CDT1: variants seen among roughly 807,000 people sequenced by gnomAD.
The protein encoded by CDT1 is chromatin licensing and DNA replication factor 1, also known as DNA replication factor Cdt1.
Under a neutral mutation model 49.3 loss-of-function variants are expected in CDT1, and 66 were observed. The ratio of observed to expected loss-of-function variants is 1.34; its 90% confidence interval spans 1.10 to 1.64. The LOEUF (loss-of-function observed/expected upper bound fraction) is 1.64. CDT1 is among the 40% of genes most tolerant of loss of function. The pLI is 0.00. For missense variants in CDT1, 958 were observed against 807.7 expected (o/e 1.19, Z -2.26); for synonymous variants, 424 against 347.4 (o/e 1.22, Z -2.45).
intron 9 of CDT1, 85 bp from the exon 10 acceptor site, chr16:88,808,030 G>T (rs1006150014): frequency 1.4e-5 from 21 of 1,471,430 alleles, no homozygotes; most frequent in Middle Eastern, 1.9e-4. Context: ...AGGCACAGAG[G>T]TTGGGTGGTC....
chr16:88,804,735 G>A lies in CDT1; in HGVS notation c.352-27G>A, dbSNP rs746348584. The A allele has an allele frequency of 2.5e-6, 4 of 1,612,656 alleles. No homozygotes were observed. In the African/African-American group the frequency reaches 5.3e-5, roughly 22 times the overall value. On this transcript the variant is annotated intron_variant, in intron 2 of 9. Transcript: ENST00000301019. ...TGCCGGCCTGCCTGCCTGCCTGACGGCACCGTGTCCCCTGATCCCCCTGAA... is the reference window on the plus strand; with the variant it reads ...TGCCGGCCTGCCTGCCTGCCTGACGACACCGTGTCCCCTGATCCCCCTGAA...
chr16:88,806,590 C>T lies in CDT1; in HGVS notation c.1038C>T (p.Ala346=), dbSNP rs756950773. ...ATGAAGTACCCGACATCGAGCCGGC[C>T]GCGCTGCCCCAGCCACCCGCCACGG... is the stretch of plus-strand genomic sequence containing the variant. ...NVDEVPDIEP[A]ALPQPPATEK... Residue 346 remains alanine, a synonymous_variant, in exon 7 of 10, where the codon GCC becomes GCT. Coordinates refer to ENST00000301019, the MANE Select transcript of CDT1 (RefSeq NM_030928.4). 54 of 1,608,150 alleles carry T rather than the reference C, an allele frequency of 3.4e-5. No individual in the cohort carries two copies. Among genetic ancestry groups the T allele is most frequent in the South Asian group, 2.2e-4 (20 of 90,434 alleles).
In CDT1 at chr16:88,804,078, CTG is replaced by C. The variant is rs1187196540; in HGVS notation, c.228+20_228+21del. 1 of 1,382,256 alleles carries C rather than the reference CTG, an allele frequency of 7.2e-7. No homozygotes were observed. Among genetic ancestry groups the C allele is most frequent in the Non-Finnish European group, 9.4e-7 (1 of 1,068,448 alleles). The allele number at this position is 1,382,256 out of a possible 1,614,324, so 85.6% of individuals were successfully genotyped here. Reference sequence around the variant, plus strand: ...GGACGAGGTGAGGGGCGTGGGGAGACTGAGGCCGGGGAGTTGGGGGCGGGGAG... The same window carrying C: ...GGACGAGGTGAGGGGCGTGGGGAGACAGGCCGGGGAGTTGGGGGCGGGGAG... On this transcript the variant is annotated intron_variant, in intron 1 of 9. Coordinates refer to ENST00000301019, the MANE Select transcript of CDT1 (RefSeq NM_030928.4).
chr16:88,805,171 T>C (rs1356281974), intron 3 of CDT1, among the ~76,000 whole-genome samples: 2 of 152,204 alleles, frequency 1.3e-5, no homozygotes, highest in African/African-American at 4.8e-5. Flanking sequence ...CCTCTGCCCC[T>C]GAGAGCTGAC....
At chr16:88,806,414 A>C in intron 6 of CDT1, 72 bp from the exon 7 acceptor site, 3 of 1,537,564 alleles carry the variant, frequency 2.0e-6, no homozygotes, top group Non-Finnish European at 2.7e-6. Context: ...ACGTAAGCAC[A>C]GGCCTACCTC....
rs779105998 is a variant in CDT1, at chr16:88,807,053, G to A, written c.1125G>A (p.Met375Ile). The change falls in exon 8 of 10, where the codon ATG becomes ATA. Residue 375 changes from methionine (M) to isoleucine (I), a missense_variant and splice_region_variant. Coordinates refer to ENST00000301019, the MANE Select transcript of CDT1 (RefSeq NM_030928.4). ...ARARNLISPR[M>I]EKALSQLALR... is the part of the protein sequence containing the mutation. ...AGTCCAACCTGTCCCTCCCGCAGAT[G>A]GAGAAGGCCTTGAGTCAATTGGCCC... is the stretch of plus-strand genomic sequence containing the variant. 5.0e-6 allele frequency: 8 copies of A among 1,612,762 alleles called. No homozygotes were observed. The East Asian group carries it at 1.8e-4, about 36-fold the overall frequency.
chr16:88,808,251 C>G lies in CDT1; in HGVS notation c.1614C>G (p.His538Gln), dbSNP rs991922059. Residue 538 changes from histidine to glutamine, a missense_variant, in exon 10 of 10, where the codon CAC becomes CAG. Physicochemically the swap from His to Gln is conservative, Grantham distance 24. Coordinates refer to ENST00000301019, the MANE Select transcript of CDT1 (RefSeq NM_030928.4). ...CCCACATCACTGCACGCCTGGCCCA[C>G]CAGACACGTGCTGAGGAGGGGCTGT... ...DLAHITARLA[H>Q]QTRAEEGL is the part of the protein sequence containing the mutation. 1.9e-6 allele frequency: 3 copies of G among 1,600,156 alleles called. No homozygotes were observed. The highest frequency in any genetic ancestry group is 2.6e-6 in the Non-Finnish European group (3 of 1,174,070).
At chr16:88,805,992 G>A (rs1453905841) in intron 5 of CDT1, 29 bp from the exon 6 acceptor site, 4 of 1,577,580 alleles carry the variant, frequency 2.5e-6, no homozygotes, top group Non-Finnish European at 2.6e-6. Flanking sequence ...GTGGCCTGGT[G>A]GGGACTTAGG....
chr16:88,806,056 C>G lies in CDT1; in HGVS notation c.868C>G (p.Arg290Gly). 1 of 1,598,940 alleles carries G rather than the reference C, an allele frequency of 6.3e-7. No individual in the cohort carries two copies. The highest frequency in any genetic ancestry group is 1.7e-5 in the Admixed American group (1 of 58,818). Residue 290 changes from arginine (R) to glycine (G), a missense_variant, in exon 6 of 10, where the codon CGC becomes GGC. Coordinates refer to ENST00000301019, the MANE Select transcript of CDT1 (RefSeq NM_030928.4). ...AGCAGCCCCCCAGCTCACGGCCTCGCGCCTCCTGCAGCGACGGCAGATCTT... is the reference window on the plus strand; with the variant it reads ...AGCAGCCCCCCAGCTCACGGCCTCGGGCCTCCTGCAGCGACGGCAGATCTT... ...DGAAPQLTAS[R>G]LLQRRQIFSQ... is the part of the protein sequence containing the mutation.
rs1908750257 is a variant in CDT1, at chr16:88,804,006, C to A, written c.175C>A (p.Arg59Ser). 1 of 1,457,724 alleles carries A rather than the reference C, an allele frequency of 6.9e-7. No individual in the cohort carries two copies. The allele number at this position is 1,457,724 out of a possible 1,614,324, so 90.3% of individuals were successfully genotyped here. Reference sequence around the variant, plus strand: ...CGCCCGCCCGCCCGCCGCCCCCGGACGCGACCAGGCCAGGCCACCGGCCCG... The same window carrying A: ...CGCCCGCCCGCCCGCCGCCCCCGGAAGCGACCAGGCCAGGCCACCGGCCCG... ...KRARPPAAPG[R>S]DQARPPARRR... Residue 59 changes from arginine to serine, a missense_variant, in exon 1 of 10, where the codon CGC becomes AGC. Transcript: ENST00000301019.
chr16:88,807,976 C>A, intron 9 of CDT1, 139 bp from the exon 10 acceptor site: 1 of 923,266 alleles, frequency 1.1e-6, no homozygotes, highest in Non-Finnish European at 1.7e-6. Context: ...TCAGAACCAC[C>A]TCTGCCCTAA....
intron 1 of CDT1, 54 bp from the exon 2 acceptor site, chr16:88,804,491 A>C: frequency 6.3e-7 from 1 of 1,592,470 alleles, no homozygotes; most frequent in Non-Finnish European, 8.6e-7. Flanking sequence ...TCCTCTGCAG[A>C]GCCAGGAGCA....
intron 6 of CDT1, 128 bp from the exon 7 acceptor site, chr16:88,806,358 G>T (rs1908855426): frequency 8.3e-7 from 1 of 1,206,164 alleles, no homozygotes; most frequent in Non-Finnish European, 1.2e-6. Context: ...TCCAAGCTGA[G>T]CACTGGGCAG....
In CDT1 at chr16:88,807,604, C is replaced by G. The variant is rs139102780; in HGVS notation, c.1477+122C>G. On this transcript the variant is annotated intron_variant, in intron 9 of 9. Transcript: ENST00000301019. ...CTGTTCTGTTCAGATGTGCAGTGGG[C>G]GCTGGCCTCTTGCACTGGTGTGTCC... The G allele has an allele frequency of 1.4e-3, 1,386 of 1,009,300 alleles. 13 individuals are homozygous for G. In the African/African-American group the frequency reaches 0.019, roughly 14 times the overall value. The allele number at this position is 1,009,300 out of a possible 1,614,324, so 62.5% of individuals were successfully genotyped here.
Position 88,803,884 on chromosome 16 carries a change from C to T in CDT1, c.53C>T (p.Pro18Leu), listed in dbSNP as rs1908744300. The T allele has an allele frequency of 2.0e-6, 3 of 1,466,598 alleles. No homozygotes were observed. Among genetic ancestry groups the T allele is most frequent in the South Asian group, 2.4e-5 (2 of 81,726 alleles). 90.8% of individuals were successfully genotyped at this position (1,466,598 alleles called of 1,614,324 possible). A position where few individuals can be genotyped will look rare whatever the true frequency, so the allele number is the denominator to read the frequency against. Residue 18 changes from proline (P) to leucine (L), a missense_variant, in exon 1 of 10, where the codon CCC (proline) becomes CTC (leucine). Coordinates refer to ENST00000301019, the MANE Select transcript of CDT1 (RefSeq NM_030928.4). ...DFFARRRPGPPRIAPPKLACR... is the reference protein window; with the variant it reads ...DFFARRRPGPLRIAPPKLACR... ...TTCGCGCGCCGCCGCCCCGGGCCCC[C>T]CCGCATCGCGCCGCCCAAGCTGGCC...
At position 88,805,786 on chromosome 16, in the gene CDT1, G is replaced by A. The variant is rs774484812; in HGVS notation, c.749G>A (p.Arg250His). 12 of 1,612,994 alleles carry A rather than the reference G, an allele frequency of 7.4e-6. No homozygotes were observed. The highest frequency in any genetic ancestry group is 4.5e-5 in the East Asian group (2 of 44,890). The change falls in exon 5 of 10, where the codon CGC becomes CAC. Residue 250 changes from arginine to histidine, a missense_variant. By Grantham distance (29) the Arg-to-His change is conservative. Transcript: ENST00000301019. ...KTVYPASYRF[R>H]QERSVPTFKD... ...GTGTACCCGGCCTCCTACCGCTTCC[G>A]CCAGGAGCGCAGTGTCCCCACCTTC...
intron 9 of CDT1, 31 bp from the exon 10 acceptor site, chr16:88,808,084 C>G: frequency 6.2e-7 from 1 of 1,609,134 alleles, no homozygotes; most frequent in Non-Finnish European, 8.5e-7. Context: ...GGGCCCAGCA[C>G]CAGCCTCAGT....
rs1235287735 is a variant in CDT1, at chr16:88,807,425, A to G, written c.1420A>G (p.Ser474Gly). 5.6e-6 allele frequency: 9 copies of G among 1,612,988 alleles called. No individual in the cohort carries two copies. Among genetic ancestry groups the G allele is most frequent in the Non-Finnish European group, 7.6e-6 (9 of 1,180,004 alleles). ...VFVSERKPAL[S>G]MEVACARMVG... ...TGTGTCCGAACGCAAGCCTGCGCTC[A>G]GCATGGAGGTGGCCTGTGCCAGGAT... is the stretch of plus-strand genomic sequence containing the variant. Residue 474 changes from serine (S) to glycine (G), a missense_variant, in exon 9 of 10, where the codon AGC (serine) becomes GGC (glycine). Transcript: ENST00000301019.
In CDT1 at chr16:88,805,542, C is replaced by T. The variant is rs766683758; in HGVS notation, c.591C>T (p.Phe197=). 1.9e-6 allele frequency: 3 copies of T among 1,612,790 alleles called. No individual in the cohort carries two copies. The highest frequency in any genetic ancestry group is 8.5e-7 in the Non-Finnish European group (1 of 1,179,980). Residue 197 remains phenylalanine (F), a synonymous_variant, in exon 4 of 10, where the codon TTC becomes TTT. Coordinates refer to ENST00000301019, the MANE Select transcript of CDT1 (RefSeq NM_030928.4). ...AGTACCAGGTGCTGGCGGAGATGTT[C>T]CGCAGCATGGACACCATCGTGGGCA... ...PYKYQVLAEM[F]RSMDTIVGML...
Sources: allele counts gnomAD v4.1 joint callset (sites outside exome capture counted in the v4.1 genomes callset), GRCh38; gene constraint gnomAD v4.1.1; transcripts MANE v1.5; gene names NCBI Gene and HGNC (gene_info 2026-07-23, HGNC 2026-07-21).